Variants in UFSP2 observed in about 807,000 individuals in gnomAD.
UFSP2 encodes ufm1-specific protease 2.
In UFSP2, 43 loss-of-function variants were observed where a neutral mutation model predicts 60.2. The ratio of observed to expected loss-of-function variants is 0.71; its 90% CI spans 0.56 to 0.92. UFSP2 has a LOEUF of 0.92. Among genes scored for constraint, UFSP2 ranks in the 40% least tolerant of loss-of-function variants. The pLI is 0.00. For synonymous variants in UFSP2, 183 were observed against 195.1 expected, an observed-to-expected ratio of 0.94 and a Z score of 0.52; for missense variants, 520 against 575.0, an observed-to-expected ratio of 0.90 and a Z score of 0.98.
At chr4:185,415,025 T>C in intron 6 of UFSP2, 130 bp downstream of exon 6, 1 of 735,508 alleles carries the variant, frequency 1.4e-6, no homozygotes, top group Non-Finnish European at 2.1e-6. Context: ...ATGTGTAAAA[T>C]GAATAGTCTA....
chr4:185,402,727 C>T (rs767616687), intron 11 of UFSP2, among the ~76,000 whole-genome samples: 28 of 152,236 alleles, frequency 1.8e-4, no homozygotes, highest in Non-Finnish European at 3.5e-4. Context: ...CTGCCCACCT[C>T]AGCCTCCCAA....
intron 4 of UFSP2, among the ~76,000 whole-genome samples, chr4:185,416,573 A>G (rs548632017): frequency 6.6e-6 from 1 of 152,318 alleles, no homozygotes; most frequent in East Asian, 1.9e-4. Flanking sequence ...TGGAGGTATC[A>G]ATGTGATTTA....
intron 4 of UFSP2, among the ~76,000 whole-genome samples, chr4:185,417,655 A>G (rs1293515649): frequency 2.0e-5 from 3 of 152,148 alleles, no homozygotes; most frequent in African/African-American, 7.2e-5. Flanking sequence ...AACTTCATAC[A>G]ACTTCGTGCC....
intron 2 of UFSP2, 142 bp downstream of exon 2, chr4:185,422,343 G>GT: frequency 6.0e-6 from 4 of 670,734 alleles, no homozygotes; most frequent in Non-Finnish European, 1.0e-5. Flanking sequence ...GTGTCTAAGT[G>GT]TAAGTCCCAT....
chr4:185,407,363 A>G (rs1364753811), intron 9 of UFSP2, among the ~76,000 whole-genome samples: 54 of 152,188 alleles, frequency 3.5e-4, no homozygotes, highest in Admixed American at 3.5e-3. Flanking sequence ...TAGAAAATGT[A>G]TTTTAAAACA....
At position 185,425,936 on chromosome 4, in the gene UFSP2, G is replaced by GGC. The variant is rs977302971; in HGVS notation, c.-69_-68insGC. The GGC allele has an allele frequency of 7.1e-6, 11 of 1,556,216 alleles. No individual in the cohort carries two copies. The African/African-American group carries it at 1.4e-4, about 19-fold the overall frequency. On this transcript the variant is annotated 5_prime_UTR_variant, in exon 1 of 12. Transcript: ENST00000264689. ...AAGTTCCGGGGGCCGGCCCTGAAGTGGTGTCACCGCACGGCCCAGGGGCGG... is the reference window on the plus strand; with the variant it reads ...AAGTTCCGGGGGCCGGCCCTGAAGTGGCGTGTCACCGCACGGCCCAGGGGCGG...
In UFSP2 at chr4:185,413,799, T is replaced by C. The variant is rs1179774772; in HGVS notation, c.758A>G (p.Asp253Gly). 6.2e-7 allele frequency: 1 copy of C among 1,613,472 alleles called. No homozygotes were observed. Among genetic ancestry groups the C allele is most frequent in the Non-Finnish European group, 8.5e-7 (1 of 1,179,704 alleles). Residue 253 changes from aspartate to glycine, a missense_variant, in exon 7 of 12, where the codon GAT (aspartate) becomes GGT (glycine). Coordinates refer to ENST00000264689, the MANE Select transcript of UFSP2 (RefSeq NM_018359.5). Reference sequence around the variant, plus strand: ...AATGTAACCATCTTTGTATGGCTCATCTGGAAAGTGATAAGCATTAGACCT... The same window carrying C: ...AATGTAACCATCTTTGTATGGCTCACCTGGAAAGTGATAAGCATTAGACCT... ...FKRSNAYHFPDEPYKDGYIRN... is the reference protein window; with the variant it reads ...FKRSNAYHFPGEPYKDGYIRN...
Position 185,415,773 on chromosome 4 carries a change from T to C in UFSP2, c.428A>G (p.Tyr143Cys). Residue 143 changes from tyrosine (Y) to cysteine (C), a missense_variant, in exon 5 of 12, where the codon TAT (tyrosine) becomes TGT (cysteine). Coordinates refer to ENST00000264689, the MANE Select transcript of UFSP2 (RefSeq NM_018359.5). The stretch of plus-strand genomic sequence containing the variant: ...ATCGACAGGTAAAGTCATATTAACA[T>C]AATGGTGTCCTCCGCTTTCCCTTTC... ...IIERESGGHH[Y>C]VNMTLPVDAV... 1 of 1,613,808 alleles carries C rather than the reference T, an allele frequency of 6.2e-7. No homozygotes were observed. Among genetic ancestry groups the C allele is most frequent in the Non-Finnish European group, 8.5e-7 (1 of 1,179,736 alleles).
intron 1 of UFSP2, among the ~76,000 whole-genome samples, chr4:185,423,737 A>G (rs1320828924): frequency 6.6e-6 from 1 of 152,152 alleles, no homozygotes; most frequent in Non-Finnish European, 1.5e-5. Context: ...TATATCACAA[A>G]TGACATGTAT....
At chr4:185,406,398 G>A (rs2095520469) in intron 9 of UFSP2, among the ~76,000 whole-genome samples, 1 of 152,166 alleles carries the variant, frequency 6.6e-6, no homozygotes, top group African/African-American at 2.4e-5. Context: ...GGGAATCTCA[G>A]AATTTTTACT....
intron 10 of UFSP2, among the ~76,000 whole-genome samples, chr4:185,404,555 C>T (rs1241628323): frequency 6.6e-6 from 1 of 151,956 alleles, no homozygotes; most frequent in Non-Finnish European, 1.5e-5. Flanking sequence ...CCTTGGCCTC[C>T]CAAAGTGCTG....
chr4:185,406,768 G>C (rs536405990), intron 9 of UFSP2, among the ~76,000 whole-genome samples: 5 of 152,092 alleles, frequency 3.3e-5, no homozygotes, highest in Admixed American at 1.3e-4. Context: ...TAGAGACAGG[G>C]TTTCACCATG....
chr4:185,410,045 A>G (rs533754598), intron 7 of UFSP2, among the ~76,000 whole-genome samples: 1 of 152,214 alleles, frequency 6.6e-6, no homozygotes, highest in Non-Finnish European at 1.5e-5. Context: ...CAAATATGTT[A>G]TTATTTTTTA....
At chr4:185,413,292 G>A (rs1026928202) in intron 7 of UFSP2, among the ~76,000 whole-genome samples, 1 of 152,180 alleles carries the variant, frequency 6.6e-6, no homozygotes, top group Non-Finnish European at 1.5e-5. Context: ...GGAGACTGAG[G>A]CAGGAGAATT....
At chr4:185,418,975 A>T (rs1045574868) in intron 2 of UFSP2, among the ~76,000 whole-genome samples, 3 of 152,142 alleles carry the variant, frequency 2.0e-5, no homozygotes, top group African/African-American at 4.8e-5. Context: ...TTTTAAAGCA[A>T]ACAATTTAGG....
intron 2 of UFSP2, among the ~76,000 whole-genome samples, chr4:185,421,226 G>C (rs543742588): frequency 1.3e-5 from 2 of 152,322 alleles, no homozygotes; most frequent in South Asian, 4.1e-4. Context: ...TAGTTGAAGG[G>C]ATGGGTGGAA....
At chr4:185,407,419 A>AC (rs2095522449) in intron 9 of UFSP2, among the ~76,000 whole-genome samples, 1 of 152,162 alleles carries the variant, frequency 6.6e-6, no homozygotes, top group South Asian at 2.1e-4. Flanking sequence ...CATAGAAAAT[A>AC]ATTAATTTAT....
At chr4:185,425,771 G>A in intron 1 of UFSP2, 95 bp downstream of exon 1, 2 of 1,538,168 alleles carry the variant, frequency 1.3e-6, no homozygotes, top group African/African-American at 1.4e-5. Flanking sequence ...GACCCCGGCA[G>A]GACCAGCTCC....
At position 185,409,487 on chromosome 4, in the gene UFSP2, G is replaced by A. The variant is rs574106509; in HGVS notation, c.832-1052C>T. ...TTACAGTTGCACACCACCATGCCTG[G>A]CTCCAAACTGATGATATTTTTAAAA... On this transcript the variant is annotated intron_variant, in intron 7 of 11. Coordinates refer to ENST00000264689, the MANE Select transcript of UFSP2 (RefSeq NM_018359.5). Among the ~76,000 whole-genome samples the A allele has an allele frequency of 3.3e-5, 5 of 152,132 alleles. No individual in the cohort carries two copies. In the South Asian group the frequency reaches 6.2e-4, roughly 19 times the overall value.
Sources: gnomAD v4.1 joint callset for allele counts (sites outside exome capture counted in the v4.1 genomes callset) on GRCh38, gnomAD v4.1.1 for gene constraint, MANE v1.5 for transcripts, NCBI Gene and HGNC (gene_info 2026-07-23, HGNC 2026-07-21) for gene names.